The following IL9R variants were observed in gnomAD, a reference collection of about 807,000 sequenced individuals.
The protein encoded by IL9R is interleukin 9 receptor.
IL9R carries 54 observed loss-of-function variants against 56.3 expected under a neutral mutation model. The observed-to-expected ratio is 0.96, with a 90% CI of 0.77 to 1.20. The LOEUF (loss-of-function observed/expected upper bound fraction) is 1.20, where lower values mean the gene tolerates loss of function less well. Ranked by LOEUF, IL9R falls within the 50% of genes most tolerant of loss-of-function variation. IL9R has a pLI of 0.00. For missense variants in IL9R, 545 were observed against 629.8 expected (o/e 0.87, Z 1.44); for synonymous variants, 212 against 250.2 (o/e 0.85, Z 1.44).
rs759605980 is a variant in IL9R at position 156,004,475 on chromosome X, C to T, written c.489C>T (p.Ile163=). The stretch of plus-strand genomic sequence containing the variant: ...GCAACATCAGTTCTGGCCACTGCAT[C>T]CTGACCTGGAGCATCAGTCCTGCCT... ...LQSNISSGHC[I]LTWSISPALE... is the part of the protein sequence containing the mutation. The change falls in exon 5 of 9, where the codon ATC becomes ATT. Residue 163 remains isoleucine (I), a synonymous_variant. Transcript: ENST00000244174. 9.3e-6 allele frequency: 15 copies of T among 1,613,708 alleles called. No individual in the cohort carries two copies. In the Admixed American group the frequency reaches 1.5e-4, roughly 16 times the overall value.
At position 156,005,385 on chromosome X, in the gene IL9R, C is replaced by T. The variant is rs767343032; in HGVS notation, c.687C>T (p.Ala229=). The stretch of plus-strand genomic sequence containing the variant: ...AGGCCAGGCTGCGTGTCCAGATGGC[C>T]ACACTGGAGGATGATGTGGTAGAGG... ...IHEARLRVQM[A]TLEDDVVEEE... is the part of the protein sequence containing the mutation. Residue 229 remains alanine, a synonymous_variant, in exon 6 of 9, where the codon GCC becomes GCT. Transcript: ENST00000244174. 3 of 1,613,060 alleles carry T rather than the reference C, an allele frequency of 1.9e-6. No homozygotes were observed. Among genetic ancestry groups the T allele is most frequent in the African/African-American group, 1.3e-5 (1 of 74,984 alleles).
intron 7 of IL9R, among the ~76,000 whole-genome samples, chrX:156,006,953 A>G (rs1294980168): frequency 1.3e-5 from 2 of 151,174 alleles, no homozygotes; most frequent in Admixed American, 6.6e-5. Context: ...GATAGAGAAA[A>G]GTGGAGAGAA....
chrX:156,008,591 C>T (rs1448202050), intron 8 of IL9R, among the ~76,000 whole-genome samples: 36 of 152,266 alleles, frequency 2.4e-4, no homozygotes, highest in African/African-American at 7.7e-4. Flanking sequence ...CATCCTGTTG[C>T]GGGCACCAGC....
chrX:156,007,915 T>C (rs940878110), intron 8 of IL9R: 1 of 305,970 alleles, frequency 3.3e-6, no homozygotes, highest in Non-Finnish European at 5.4e-6. Context: ...GCACCCACCA[T>C]GTGCCTCACC....
chrX:155,999,449 T>A (rs1332585461), intron 1 of IL9R, among the ~76,000 whole-genome samples: 1 of 152,104 alleles, frequency 6.6e-6, no homozygotes, highest in African/African-American at 2.4e-5. Context: ...ACCTTCTCTA[T>A]GAGGTGTCTG....
chrX:155,997,734 C>T lies in IL9R; in HGVS notation c.-26C>T, dbSNP rs747109424. ...AGATAGTTGGGTGACAAATCACCTC[C>T]AGGTTGGGGATGCCTCAGACTTGTG... On this transcript the variant is annotated 5_prime_UTR_variant, in exon 1 of 9. Coordinates refer to ENST00000244174, the MANE Select transcript of IL9R (RefSeq NM_002186.3). 6.2e-7 allele frequency: 1 copy of T among 1,613,080 alleles called. No homozygotes were observed. The highest frequency in any genetic ancestry group is 1.7e-5 in the Admixed American group (1 of 60,004).
rs373546039 is a variant in IL9R at position 156,003,576 on chromosome X, C to A, written c.254+16C>A. 1.2e-4 allele frequency: 186 copies of A among 1,607,340 alleles called. No homozygotes were observed. The African/African-American group carries it at 1.8e-3, about 16-fold the overall frequency. On this transcript the variant is annotated intron_variant, in intron 3 of 8. Coordinates refer to ENST00000244174, the MANE Select transcript of IL9R (RefSeq NM_002186.3). The stretch of plus-strand genomic sequence containing the variant: ...TCTTCACCAGGTGAGCATGGAGGGC[C>A]ATGCCCACCTGGACAGGGATGAGGG...
chrX:156,006,893 T>C (rs1363443027), intron 7 of IL9R, among the ~76,000 whole-genome samples: 1 of 149,588 alleles, frequency 6.7e-6, no homozygotes, highest in Non-Finnish European at 1.5e-5. Context: ...TGGGGGCCAG[T>C]GAGGTGCCCA....
chrX:156,009,894 T>C lies in IL9R; in HGVS notation c.1051T>C (p.Cys351Arg). The change falls in exon 9 of 9, where the codon TGC becomes CGC. Residue 351 changes from cysteine to arginine, a missense_variant. By Grantham distance (180) the Cys-to-Arg change is radical (BLOSUM62 -3). Around this residue, in one of 2 missense-constraint regions of IL9R, gnomAD observed 114 missense variants for 269.8 expected, o/e 0.42. Transcript: ENST00000244174. ...AGTPQGALEP[C>R]VQEATALLTC... ...CACCCCACAGGGAGCCTTGGAGCCC[T>C]GCGTCCAGGAGGCCACTGCACTGCT... is the stretch of plus-strand genomic sequence containing the variant. 1 of 1,546,040 alleles carries C rather than the reference T, an allele frequency of 6.5e-7. No homozygotes were observed. Among genetic ancestry groups the C allele is most frequent in the Non-Finnish European group, 8.7e-7 (1 of 1,155,156 alleles).
intron 1 of IL9R, among the ~76,000 whole-genome samples, chrX:156,000,200 A>G (rs1405710355): frequency 1.3e-5 from 2 of 151,858 alleles, no homozygotes; most frequent in African/African-American, 2.4e-5. Context: ...GTGTAACAGT[A>G]AGTGGATGCA....
chrX:156,002,504 G>A (rs1367705986), intron 1 of IL9R, among the ~76,000 whole-genome samples: 3 of 152,196 alleles, frequency 2.0e-5, no homozygotes, highest in Non-Finnish European at 4.4e-5. Context: ...GGTGGTTGTT[G>A]GTAGTGACCA....
At chrX:156,006,006 C>T (rs1402972574) in intron 6 of IL9R, 77 bp from the exon 7 acceptor site, 13 of 705,506 alleles carry the variant, frequency 1.8e-5, no homozygotes, top group Non-Finnish European at 3.0e-5. Flanking sequence ...CTAAAGGGCG[C>T]ACCTTTGCCA....
At chrX:156,001,652 C>T (rs1209574463) in intron 1 of IL9R, 11 of 451,578 alleles carry the variant, frequency 2.4e-5, no homozygotes, top group African/African-American at 1.8e-4. Context: ...AGTCTGTGTG[C>T]GTGTCTGGTT....
intron 1 of IL9R, among the ~76,000 whole-genome samples, chrX:156,002,588 C>G (rs2124504397): frequency 6.6e-6 from 1 of 152,314 alleles, no homozygotes; most frequent in East Asian, 1.9e-4. Flanking sequence ...CAGAGGATGA[C>G]TGTCCCAGAG....
chrX:155,999,842 A>G lies in IL9R; in HGVS notation c.28+2055A>G, dbSNP rs771076990. Among the ~76,000 whole-genome samples, 5 of 152,120 alleles carry G rather than the reference A, an allele frequency of 3.3e-5. No individual in the cohort carries two copies. The South Asian group carries it at 8.3e-4, about 25-fold the overall frequency. ...CCGCCCCCATTAAAAAAGACAAAAT[A>G]TGGCCAGGCATGTTGGCTCATGCCT... On this transcript the variant is annotated intron_variant, in intron 1 of 8. Coordinates refer to ENST00000244174, the MANE Select transcript of IL9R (RefSeq NM_002186.3).
At chrX:156,004,118 G>A in intron 4 of IL9R, 1 of 601,454 alleles carries the variant, frequency 1.7e-6, no homozygotes, top group South Asian at 2.0e-5. Context: ...CATGTGAAAT[G>A]CACTTCAGTC....
chrX:156,003,403 T>C (rs1348305530), intron 2 of IL9R, 46 bp from the exon 3 acceptor site: 1 of 1,362,286 alleles, frequency 7.3e-7, no homozygotes, highest in Non-Finnish European at 1.0e-6. Flanking sequence ...AGCTCAGCTC[T>C]GGCCTGAAGT....
chrX:156,002,766 A>T, intron 1 of IL9R, 140 bp from the exon 2 acceptor site: 1 of 1,217,116 alleles, frequency 8.2e-7, no homozygotes, highest in Non-Finnish European at 1.2e-6. Flanking sequence ...GACGCTGGAC[A>T]CTGTGTGAGT....
At chrX:156,009,001 T>C (rs868318166) in intron 8 of IL9R, among the ~76,000 whole-genome samples, 2 of 133,680 alleles carry the variant, frequency 1.5e-5, no homozygotes, top group African/African-American at 5.8e-5. Flanking sequence ...CTGTGTGTGT[T>C]TGTGTGTGTG....
Sources: allele counts gnomAD v4.1 joint callset (sites outside exome capture counted in the v4.1 genomes callset), GRCh38; gene constraint gnomAD v4.1.1; regional missense constraint gnomAD v4.1.1; transcripts MANE v1.5; gene names NCBI Gene and HGNC (gene_info 2026-07-23, HGNC 2026-07-21).